Variants in FOXK2 observed in about 807,000 individuals in gnomAD.
FOXK2 encodes the protein forkhead box K2.
Under a neutral mutation model 53.3 loss-of-function variants are expected in FOXK2, and 24 were observed. That is an observed-to-expected ratio of 0.45 (90% confidence interval 0.33 to 0.63). The LOEUF (loss-of-function observed/expected upper bound fraction) is 0.63, where lower values mean the gene tolerates loss of function less well. Ranked by LOEUF, FOXK2 falls within the 30% of genes least tolerant of loss-of-function variation. The pLI is 0.03. For synonymous variants in FOXK2, 505 were observed against 407.1 expected (o/e 1.24, Z -2.89); for missense variants, 952 against 910.5 (o/e 1.05, Z -0.59).
At chr17:82,586,966 C>T (rs1409009432) in intron 7 of FOXK2, 97 bp from the exon 8 acceptor site, 4 of 1,051,764 alleles carry the variant, frequency 3.8e-6, no homozygotes, top group South Asian at 1.3e-5. Context: ...CATTTTCTAG[C>T]AGGTGTGATA....
intron 1 of FOXK2, among the ~76,000 whole-genome samples, chr17:82,547,195 T>G (rs2044634790): frequency 6.6e-6 from 1 of 152,158 alleles, no homozygotes; most frequent in Non-Finnish European, 1.5e-5. Flanking sequence ...CTCCCTGTGT[T>G]TAGAATATTC....
At chr17:82,541,572 A>G (rs946359516) in intron 1 of FOXK2, among the ~76,000 whole-genome samples, 5 of 151,434 alleles carry the variant, frequency 3.3e-5, no homozygotes, top group African/African-American at 1.2e-4. Flanking sequence ...CAAATTTTTA[A>G]ATGTATTAAC....
intron 1 of FOXK2, among the ~76,000 whole-genome samples, chr17:82,549,436 G>A (rs2044655437): frequency 6.6e-6 from 1 of 152,024 alleles, no homozygotes. Flanking sequence ...TTACAGTACA[G>A]CAAATGGGAG....
In FOXK2 at chr17:82,604,314, TTAG is replaced by T. The variant is rs1266058114; in HGVS notation, c.*2819_*2821del. ...ATCCTCGGTTGCTCCTCCTCTCACT[TTAG>T]TAGAGTACGCGGTGGACAGCTGATC... On this transcript the variant is annotated 3_prime_UTR_variant, in exon 9 of 9. Transcript: ENST00000335255. The T allele has an allele frequency of 6.6e-6, 1 of 152,440 alleles. No individual in the cohort carries two copies. The highest frequency in any genetic ancestry group is 2.4e-5 in the African/African-American group (1 of 41,422). 9.4% of individuals were successfully genotyped at this position (152,440 alleles called of 1,614,324 possible). A position where few individuals can be genotyped will look rare whatever the true frequency, so the allele number is the denominator to read the frequency against.
At chr17:82,581,612 A>G (rs563630388) in intron 4 of FOXK2, among the ~76,000 whole-genome samples, 2 of 151,680 alleles carry the variant, frequency 1.3e-5, no homozygotes, top group East Asian at 3.9e-4. Flanking sequence ...AGCAACTGGG[A>G]CTACAGGTGC....
chr17:82,563,750 CCTTTTTT>C (rs1329727533), intron 2 of FOXK2, among the ~76,000 whole-genome samples: 2 of 94,616 alleles, frequency 2.1e-5, no homozygotes, highest in Non-Finnish European at 4.3e-5. Context: ...TTACTCATTC[CCTTTTTT>C]TTTTTTTTTT....
chr17:82,546,898 G>A (rs2044630855), intron 1 of FOXK2, among the ~76,000 whole-genome samples: 2 of 152,100 alleles, frequency 1.3e-5, no homozygotes, highest in South Asian at 4.2e-4. Flanking sequence ...CCAACATGGT[G>A]AAACCCCGTC....
intron 1 of FOXK2, among the ~76,000 whole-genome samples, chr17:82,557,969 A>G (rs1269633003): frequency 2.0e-5 from 3 of 152,164 alleles, no homozygotes; most frequent in Non-Finnish European, 2.9e-5. Flanking sequence ...CTCATTTTAA[A>G]TGCCCTGTGC....
At chr17:82,594,825 T>G (rs941875480) in intron 8 of FOXK2, among the ~76,000 whole-genome samples, 2 of 152,190 alleles carry the variant, frequency 1.3e-5, no homozygotes, top group African/African-American at 4.8e-5. Context: ...GTGGGCAGAC[T>G]GCTTGTGCCC....
In FOXK2 at chr17:82,564,734, GT is replaced by G. The variant is rs11452758; in HGVS notation, c.614+1200del. Among the ~76,000 whole-genome samples the G allele has an allele frequency of 8.8e-3, 1,210 of 137,986 alleles. 4 individuals carry two copies. The highest frequency in any genetic ancestry group is 0.023 in the South Asian group (99 of 4,326). 90.5% of individuals were successfully genotyped at this position (137,986 alleles called of 152,430 possible). On this transcript the variant is annotated intron_variant, in intron 2 of 8. Transcript: ENST00000335255. ...AACCCTCACATAATGTAGTCAAATGGTTTTTTTTTTTTTTGAGATGGAGTTT... is the reference window on the plus strand; with the variant it reads ...AACCCTCACATAATGTAGTCAAATGGTTTTTTTTTTTTTGAGATGGAGTTT...
At chr17:82,569,287 C>T (rs148860716) in intron 3 of FOXK2, among the ~76,000 whole-genome samples, 118 of 152,334 alleles carry the variant, frequency 7.7e-4, no homozygotes, top group Admixed American at 1.8e-3. Context: ...CCGACTACGG[C>T]GTCTAACACA....
rs201075099 is a variant in FOXK2 at position 82,586,203 on chromosome 17, A to T, written c.1576+3A>T. On this transcript the variant is annotated splice_donor_region_variant and intron_variant, in intron 7 of 8. Transcript: ENST00000335255. Reference sequence around the variant, plus strand: ...TGGAGACCACAGGGAAGTCAAAGGTAGGCGGAGGGGAAAGGAGGAGAGGGG... The same window carrying T: ...TGGAGACCACAGGGAAGTCAAAGGTTGGCGGAGGGGAAAGGAGGAGAGGGG... The T allele has an allele frequency of 1.4e-6, 2 of 1,471,656 alleles. No individual in the cohort carries two copies. The highest frequency in any genetic ancestry group is 3.9e-5 in the African/African-American group (2 of 51,136). 91.2% of individuals were successfully genotyped at this position (1,471,656 alleles called of 1,614,324 possible). A position where few individuals can be genotyped will look rare whatever the true frequency, so the allele number is the denominator to read the frequency against.
rs1328704226 is a variant in FOXK2, at chr17:82,563,486, C to T, written c.552C>T (p.Ile184=). The T allele has an allele frequency of 6.2e-7, 1 of 1,614,148 alleles. No individual in the cohort carries two copies. The highest frequency in any genetic ancestry group is 1.3e-5 in the African/African-American group (1 of 75,032). ...AGCCACACATCTCGCCCCTGACCATCAACATTCCAGACACCATGGCCCACC... is the reference window on the plus strand; with the variant it reads ...AGCCACACATCTCGCCCCTGACCATTAACATTCCAGACACCATGGCCCACC... ...AVQPHISPLT[I]NIPDTMAHLI... is the part of the protein sequence containing the mutation. The change falls in exon 2 of 9, where the codon ATC becomes ATT. Residue 184 remains isoleucine, a synonymous_variant. Coordinates refer to ENST00000335255, the MANE Select transcript of FOXK2 (RefSeq NM_004514.4).
intron 1 of FOXK2, among the ~76,000 whole-genome samples, chr17:82,553,564 A>C (rs1464432868): frequency 6.6e-6 from 1 of 152,212 alleles, no homozygotes; most frequent in Non-Finnish European, 1.5e-5. Flanking sequence ...ACTCCACAGA[A>C]GCACAAACAT....
chr17:82,550,469 A>G (rs1291860298), intron 1 of FOXK2, among the ~76,000 whole-genome samples: 3 of 150,260 alleles, frequency 2.0e-5, no homozygotes, highest in Non-Finnish European at 4.4e-5. Context: ...GCAGTAAGGC[A>G]TTAAACTCCA....
chr17:82,590,713 T>C (rs1316128315), intron 8 of FOXK2, among the ~76,000 whole-genome samples: 1 of 152,230 alleles, frequency 6.6e-6, no homozygotes, highest in African/African-American at 2.4e-5. Context: ...GTTCCTACTA[T>C]ATTAAGCAAT....
At chr17:82,556,036 T>C (rs948244049) in intron 1 of FOXK2, among the ~76,000 whole-genome samples, 1 of 152,174 alleles carries the variant, frequency 6.6e-6, no homozygotes, top group African/African-American at 2.4e-5. Context: ...TTTATTTTTT[T>C]AAACTGTCTA....
intron 1 of FOXK2, among the ~76,000 whole-genome samples, chr17:82,539,163 C>G (rs541461933): frequency 7.6e-5 from 9 of 118,476 alleles, no homozygotes; most frequent in African/African-American, 3.0e-4. Context: ...GGCTCAGACC[C>G]GTAATCTCAG....
chr17:82,585,968 G>T lies in FOXK2; in HGVS notation c.1344G>T (p.Lys448Asn). 1 of 1,612,742 alleles carries T rather than the reference G, an allele frequency of 6.2e-7. No individual in the cohort carries two copies. The highest frequency in any genetic ancestry group is 8.5e-7 in the Non-Finnish European group (1 of 1,179,924). Reference sequence around the variant, plus strand: ...AGCGGCAGCTACCACAGGCCATCAAGCCTGTCACCTACACTGTGGCCACCC... The same window carrying T: ...AGCGGCAGCTACCACAGGCCATCAATCCTGTCACCTACACTGTGGCCACCC... ...TVQRQLPQAIKPVTYTVATPV... is the reference protein window; with the variant it reads ...TVQRQLPQAINPVTYTVATPV... Residue 448 changes from lysine (K) to asparagine (N), a missense_variant, in exon 7 of 9, where the codon AAG (lysine) becomes AAT (asparagine). Coordinates refer to ENST00000335255, the MANE Select transcript of FOXK2 (RefSeq NM_004514.4).
Sources: gnomAD v4.1 joint callset for allele counts (sites outside exome capture counted in the v4.1 genomes callset) on GRCh38, gnomAD v4.1.1 for gene constraint, MANE v1.5 for transcripts, NCBI Gene and HGNC (gene_info 2026-07-23, HGNC 2026-07-21) for gene names.